Variants in F5 observed in about 807,000 individuals in gnomAD.
The protein encoded by F5 is activated protein c cofactor.
A neutral mutation model predicts 216.4 loss-of-function variants in F5; 138 were observed. The ratio of observed to expected loss-of-function variants is 0.64; its 90% confidence interval spans 0.56 to 0.73. The LOEUF is 0.73. Ranked by LOEUF, F5 falls within the 30% of genes least tolerant of loss-of-function variation. The pLI, the probability that F5 is intolerant of heterozygous loss-of-function variation, is 0.00. For missense variants in F5, 2,403 were observed against 2,674.0 expected, an observed-to-expected ratio of 0.90 and a Z score of 2.24; for synonymous variants, 916 against 930.7, an observed-to-expected ratio of 0.98 and a Z score of 0.29.
intron 4 of F5, 123 bp downstream of exon 4, chr1:169,560,431 G>A (rs575796843): frequency 1.5e-4 from 126 of 863,048 alleles, no homozygotes; most frequent in Non-Finnish European, 2.0e-4. Context: ...TCTGGTCTCC[G>A]TGCCGTCTTC....
Position 169,542,382 on chromosome 1 carries a change from C to CCGGA in F5, c.2704_2707dup (p.Gly903ValfsTer11). 3.7e-6 allele frequency: 6 copies of CCGGA among 1,614,014 alleles called. No individual in the cohort carries two copies. The highest frequency in any genetic ancestry group is 5.1e-6 in the Non-Finnish European group (6 of 1,179,976). ...AGGAAGGTCCTCCCAGGGCCTCATT[C>CCGGA]CGGAAGGAGAACCAGTGTCTTGGCT... is the stretch of plus-strand genomic sequence containing the variant. On this transcript the variant is annotated frameshift_variant, in exon 13 of 25. Coordinates refer to ENST00000367797, the MANE Select transcript of F5 (RefSeq NM_000130.5). LOFTEE classifies it high-confidence loss of function.
chr1:169,575,647 A>C (rs548542757), intron 2 of F5, among the ~76,000 whole-genome samples: 2 of 152,120 alleles, frequency 1.3e-5, no homozygotes, highest in Non-Finnish European at 2.9e-5. Flanking sequence ...TTGGAACTTG[A>C]AGATGGATTG....
chr1:169,514,607 T>C, intron 24 of F5, 148 bp from the exon 25 acceptor site: 1 of 676,524 alleles, frequency 1.5e-6, no homozygotes. Flanking sequence ...TAAACTCCTC[T>C]CAAGTAATCC....
intron 3 of F5, among the ~76,000 whole-genome samples, chr1:169,562,730 A>G (rs1330652708): frequency 2.0e-5 from 3 of 152,056 alleles, no homozygotes; most frequent in African/African-American, 7.2e-5. Flanking sequence ...GAACCTTGCA[A>G]TAATATATTT....
intron 17 of F5, 25 bp downstream of exon 17, chr1:169,527,890 C>A: frequency 6.2e-7 from 1 of 1,612,276 alleles, no homozygotes. Context: ...TTAGCAGGGA[C>A]CTCTTCCCAT....
intron 14 of F5, among the ~76,000 whole-genome samples, chr1:169,534,284 A>G (rs1350802868): frequency 6.6e-6 from 1 of 152,154 alleles, no homozygotes; most frequent in Non-Finnish European, 1.5e-5. Context: ...TTCCTTCTTT[A>G]ACTTGGTGTC....
intron 14 of F5, among the ~76,000 whole-genome samples, chr1:169,536,110 T>A (rs1205261534): frequency 6.6e-6 from 1 of 152,138 alleles, no homozygotes; most frequent in Non-Finnish European, 1.5e-5. Flanking sequence ...TTTTATTTAA[T>A]TTTTAGGAAA....
At chr1:169,577,565 ATATAT>A (rs1660885196) in intron 2 of F5, among the ~76,000 whole-genome samples, 1 of 23,040 alleles carries the variant, frequency 4.3e-5, no homozygotes, top group African/African-American at 3.1e-4. Flanking sequence ...ATTTAAATAT[ATATAT>A]ATATATATAT....
intron 10 of F5, among the ~76,000 whole-genome samples, chr1:169,547,463 G>A (rs1417511677): frequency 6.6e-6 from 1 of 152,016 alleles, no homozygotes; most frequent in Admixed American, 6.6e-5. Flanking sequence ...GTCTAATATG[G>A]AGCATTTATA....
intron 22 of F5, among the ~76,000 whole-genome samples, chr1:169,520,280 G>A (rs970059082): frequency 6.6e-6 from 1 of 152,160 alleles, no homozygotes; most frequent in African/African-American, 2.4e-5. Context: ...GGAGAGTTGT[G>A]ATGTGTCTAT....
chr1:169,534,832 A>G (rs1343422300), intron 14 of F5, among the ~76,000 whole-genome samples: 1 of 152,208 alleles, frequency 6.6e-6, no homozygotes, highest in Non-Finnish European at 1.5e-5. Context: ...CATATGCACC[A>G]TGGAATACTA....
chr1:169,514,842 T>C (rs1291427668), intron 24 of F5, among the ~76,000 whole-genome samples: 5 of 152,156 alleles, frequency 3.3e-5, no homozygotes, highest in Admixed American at 2.6e-4. Context: ...CACATGGTGC[T>C]GTGGAGCAGC....
In F5 at chr1:169,546,606, C is replaced by A; in HGVS notation, c.1612-14G>T. The stretch of plus-strand genomic sequence containing the variant: ...GTCTGCTGCCCTCTGGAGGACAAAA[C>A]AGTATAGTACTGGTACAAGAACAGA... On this transcript the variant is annotated splice_polypyrimidine_tract_variant and intron_variant, in intron 10 of 24. Transcript: ENST00000367797. 1.2e-6 allele frequency: 2 copies of A among 1,612,960 alleles called. No individual in the cohort carries two copies. The highest frequency in any genetic ancestry group is 1.7e-6 in the Non-Finnish European group (2 of 1,179,036).
chr1:169,527,642 C>T lies in F5; in HGVS notation c.5599+273G>A, dbSNP rs565262088. ...TCTGCTTAAGACCTCATCTGTATGA[C>T]ACACAGTGGCTTGGGAGAAACTGCA... is the stretch of plus-strand genomic sequence containing the variant. On this transcript the variant is annotated intron_variant, in intron 17 of 24. Transcript: ENST00000367797. Among the ~76,000 whole-genome samples, 14 of 152,242 alleles carry T rather than the reference C, an allele frequency of 9.2e-5. No individual in the cohort carries two copies. In the South Asian group the frequency reaches 1.0e-3, roughly 11 times the overall value.
Position 169,536,686 on chromosome 1 carries a change from A to G in F5, c.4797-6T>C, listed in dbSNP as rs1659712768. The G allele has an allele frequency of 6.3e-7, 1 of 1,598,170 alleles. No individual in the cohort carries two copies. On this transcript the variant is annotated splice_polypyrimidine_tract_variant and splice_region_variant and intron_variant, in intron 13 of 24. Transcript: ENST00000367797. ...AGTCTTCAATATCTGTTTCCCTGAA[A>G]TAATAATACTATTTGTGTAAAAGAA...
chr1:169,538,781 A>G (rs1163301273), intron 13 of F5, among the ~76,000 whole-genome samples: 2 of 152,188 alleles, frequency 1.3e-5, no homozygotes, highest in Non-Finnish European at 1.5e-5. Flanking sequence ...CCAGGGAATA[A>G]GGAAGGGCTA....
Position 169,536,115 on chromosome 1 carries a change from A to G in F5, c.4971+391T>C, listed in dbSNP as rs1333867643. ...TTTAACTTCATTTTATTTAATTTTT[A>G]GGAAAACACCTGAAGATATTTCTAA... On this transcript the variant is annotated intron_variant, in intron 14 of 24. Coordinates refer to ENST00000367797, the MANE Select transcript of F5 (RefSeq NM_000130.5). 3.9e-5 allele frequency among the ~76,000 whole-genome samples: 6 copies of G among 152,170 alleles called. No homozygotes were observed. In the East Asian group the frequency reaches 9.6e-4, roughly 24 times the overall value.
chr1:169,518,269 C>A (rs1263227815), intron 23 of F5, 143 bp downstream of exon 23: 1 of 932,854 alleles, frequency 1.1e-6, no homozygotes, highest in Non-Finnish European at 1.7e-6. Flanking sequence ...CCACAGACAT[C>A]CTGGACTCTT....
intron 21 of F5, among the ~76,000 whole-genome samples, chr1:169,521,550 G>A (rs576186193): frequency 4.0e-5 from 6 of 151,316 alleles, no homozygotes; most frequent in African/African-American, 9.7e-5. Context: ...AGCAGGTATC[G>A]GTAATACTGA....
Sources: allele counts gnomAD v4.1 joint callset (sites outside exome capture counted in the v4.1 genomes callset), GRCh38; gene constraint gnomAD v4.1.1; transcripts MANE v1.5; gene names NCBI Gene and HGNC (gene_info 2026-07-23, HGNC 2026-07-21).